Variants in XRN2 observed in about 807,000 individuals in gnomAD.
XRN2 encodes 5'-3' exoribonuclease 2.
XRN2 carries 44 observed loss-of-function variants against 138.5 expected under a neutral mutation model. The ratio of observed to expected loss-of-function variants is 0.32; its 90% CI spans 0.25 to 0.41. XRN2 has a LOEUF of 0.41. Among genes scored for constraint, XRN2 ranks in the 10% least tolerant of loss-of-function variants. The pLI is 1.00. For missense variants in XRN2, 937 were observed against 1,169.3 expected, an observed-to-expected ratio of 0.80 and a Z score of 2.90; for synonymous variants, 354 against 369.4, an observed-to-expected ratio of 0.96 and a Z score of 0.48.
At chr20:21,375,987 C>T (rs111804980) in intron 27 of XRN2, among the ~76,000 whole-genome samples, 1 of 151,940 alleles carries the variant, frequency 6.6e-6, no homozygotes, top group South Asian at 2.1e-4. Flanking sequence ...TACAGGCGCC[C>T]GCCACTACAC....
intron 26 of XRN2, 94 bp downstream of exon 26, chr20:21,365,798 C>G: frequency 2.5e-6 from 1 of 395,162 alleles, no homozygotes; most frequent in Non-Finnish European, 3.5e-6. Context: ...TAAATTTATG[C>G]CATATATATA....
At chr20:21,376,204 A>G in intron 27 of XRN2, among the ~76,000 whole-genome samples, 1 of 152,060 alleles carries the variant, frequency 6.6e-6, no homozygotes, top group Non-Finnish European at 1.5e-5. Flanking sequence ...CCAAGCACAG[A>G]TTTAACCAGG....
intron 1 of XRN2, among the ~76,000 whole-genome samples, chr20:21,320,411 T>C (rs2038023010): frequency 6.6e-6 from 1 of 151,992 alleles, no homozygotes; most frequent in Non-Finnish European, 1.5e-5. Flanking sequence ...GCCATTCTCC[T>C]GCCTCAGCCT....
At chr20:21,362,558 C>T (rs760130823) in intron 24 of XRN2, among the ~76,000 whole-genome samples, 6 of 152,158 alleles carry the variant, frequency 3.9e-5, no homozygotes, top group Non-Finnish European at 8.8e-5. Flanking sequence ...TGTCCCTCTG[C>T]TCTCTCGCAC....
chr20:21,385,090 T>A (rs1600723276), intron 28 of XRN2, among the ~76,000 whole-genome samples: 3 of 152,340 alleles, frequency 2.0e-5, no homozygotes, highest in African/African-American at 7.2e-5. Context: ...AAAAGAACTT[T>A]GCGTTTTTAA....
chr20:21,314,871 G>T (rs4813425), intron 1 of XRN2, among the ~76,000 whole-genome samples: 102,981 of 152,010 alleles, frequency 0.68, 35,620 homozygotes, highest in South Asian at 0.84. Context: ...ACATGAAGAG[G>T]GTTTATTATT....
At chr20:21,376,472 T>A (rs2122343527) in intron 27 of XRN2, among the ~76,000 whole-genome samples, 1 of 152,370 alleles carries the variant, frequency 6.6e-6, no homozygotes, top group South Asian at 2.1e-4. Context: ...TTTTCTTTTG[T>A]AAGTTGGCTG....
At chr20:21,377,023 A>T (rs1004553512) in intron 27 of XRN2, among the ~76,000 whole-genome samples, 3 of 142,592 alleles carry the variant, frequency 2.1e-5, no homozygotes, top group East Asian at 3.9e-4. Flanking sequence ...TCTTGGTTAT[A>T]AAAAAAACCT....
intron 27 of XRN2, among the ~76,000 whole-genome samples, chr20:21,381,466 T>G (rs148857692): frequency 1.3e-5 from 2 of 152,234 alleles, no homozygotes; most frequent in African/African-American, 4.8e-5. Context: ...GATGGAGAAG[T>G]GGGTGGTCCC....
intron 6 of XRN2, 104 bp downstream of exon 6, chr20:21,330,809 G>T (rs992404087): frequency 4.6e-6 from 5 of 1,077,886 alleles, no homozygotes; most frequent in Non-Finnish European, 6.6e-6. Flanking sequence ...CCCATAAAAT[G>T]CTAGTTGACT....
At chr20:21,354,000 G>A (rs759888068) in intron 20 of XRN2, among the ~76,000 whole-genome samples, 3 of 152,060 alleles carry the variant, frequency 2.0e-5, no homozygotes, top group Non-Finnish European at 4.4e-5. Context: ...GCTGTGTATT[G>A]TAAAATTTTT....
At chr20:21,319,346 C>G (rs1379017925) in intron 1 of XRN2, among the ~76,000 whole-genome samples, 1 of 152,038 alleles carries the variant, frequency 6.6e-6, no homozygotes, top group East Asian at 1.9e-4. Flanking sequence ...GACAAGCTAC[C>G]TTTTTGTTGG....
chr20:21,327,425 T>TA (rs1338784698), intron 3 of XRN2, among the ~76,000 whole-genome samples: 1 of 152,196 alleles, frequency 6.6e-6, no homozygotes, highest in East Asian at 1.9e-4. Flanking sequence ...AATGGGATGA[T>TA]TTTGGAAATT....
At chr20:21,344,291 C>T (rs2038408678) in intron 16 of XRN2, 83 bp downstream of exon 16, 4 of 977,530 alleles carry the variant, frequency 4.1e-6, no homozygotes, top group African/African-American at 1.6e-5. Context: ...CTTAGAGCAG[C>T]AGTGCCTTCA....
At chr20:21,320,279 G>GTATTTATGTATTTATTTATT in intron 1 of XRN2, among the ~76,000 whole-genome samples, 1 of 88,700 alleles carries the variant, frequency 1.1e-5, no homozygotes. Context: ...ATTTATTTAT[G>GTATTTATGTATTTATTTATT]TATTTATTTA....
chr20:21,379,377 G>A (rs932163415), intron 27 of XRN2, among the ~76,000 whole-genome samples: 5 of 152,072 alleles, frequency 3.3e-5, no homozygotes, highest in African/African-American at 9.7e-5. Context: ...ATACTTCCAG[G>A]TTATATATGT....
intron 1 of XRN2, among the ~76,000 whole-genome samples, chr20:21,310,773 C>T (rs1250348395): frequency 6.6e-6 from 1 of 150,770 alleles, no homozygotes; most frequent in Non-Finnish European, 1.5e-5. Flanking sequence ...GAGATGGAGT[C>T]TTGCTGTGTC....
At chr20:21,315,713 C>T (rs2037949890) in intron 1 of XRN2, among the ~76,000 whole-genome samples, 3 of 152,078 alleles carry the variant, frequency 2.0e-5, no homozygotes, top group African/African-American at 4.8e-5. Flanking sequence ...AGGCTGGTCT[C>T]GAATCAACTC....
chr20:21,316,830 T>C (rs1281709739), intron 1 of XRN2, among the ~76,000 whole-genome samples: 2 of 152,242 alleles, frequency 1.3e-5, no homozygotes, highest in African/African-American at 2.4e-5. Context: ...TTTCAAAATA[T>C]AAATTTCGTA....
Sources: allele counts gnomAD v4.1 joint callset (sites outside exome capture counted in the v4.1 genomes callset), GRCh38; gene constraint gnomAD v4.1.1; transcripts MANE v1.5; gene names NCBI Gene and HGNC (gene_info 2026-07-23, HGNC 2026-07-21).